Variants in CFAP69 observed in about 807,000 individuals in gnomAD.
CFAP69 encodes the protein cilia and flagella associated protein 69, also known as cilia- and flagella-associated protein 69.
In CFAP69, 92 loss-of-function variants were observed where a neutral mutation model predicts 123.0. The observed-to-expected ratio is 0.75, with a 90% CI of 0.63 to 0.89. The LOEUF (loss-of-function observed/expected upper bound fraction) is 0.89, where lower values mean the gene tolerates loss of function less well. Among genes scored for constraint, CFAP69 ranks in the 40% least tolerant of loss-of-function variants. CFAP69 has a pLI of 0.00. For synonymous variants in CFAP69, 380 were observed against 364.3 expected (o/e 1.04, Z -0.49); for missense variants, 1,067 against 1,096.9 (o/e 0.97, Z 0.39).
downstream of CFAP69, among the ~76,000 whole-genome samples, chr7:90,314,810 G>A (rs886811216): frequency 4.0e-5 from 6 of 151,622 alleles, no homozygotes; most frequent in East Asian, 1.9e-4. Context: ...ATGCTGGTGC[G>A]CTGCACCCAC....
chr7:90,275,988 T>G (rs1788551570), intron 9 of CFAP69: 1 of 152,222 alleles, frequency 6.6e-6, no homozygotes, highest in South Asian at 2.1e-4. Context: ...TGCTTACTCT[T>G]GGTCACAAGA....
chr7:90,283,277 A>G (rs1445858924), intron 13 of CFAP69, among the ~76,000 whole-genome samples: 1 of 152,142 alleles, frequency 6.6e-6, no homozygotes, highest in Non-Finnish European at 1.5e-5. Flanking sequence ...CTCAAATATC[A>G]TTTCATTTAG....
At chr7:90,265,521 G>A (rs1420587261) in intron 5 of CFAP69, 144 bp downstream of exon 5, 1 of 562,148 alleles carries the variant, frequency 1.8e-6, no homozygotes, top group Non-Finnish European at 3.2e-6. Context: ...TAATCACAGT[G>A]TGCTTGGTGA....
In CFAP69 at chr7:90,282,816, A is replaced by G. The variant is rs1352133914; in HGVS notation, c.1373-76A>G. ...ATTTTAACATTTGTTTAAACTTTTG[A>G]TAGATGTATAAGATATCTGATATAT... On this transcript the variant is annotated intron_variant, in intron 12 of 22. Coordinates refer to ENST00000389297, the MANE Select transcript of CFAP69 (RefSeq NM_001039706.3). The G allele has an allele frequency of 6.0e-6, 7 of 1,166,384 alleles. No individual in the cohort carries two copies. In the Admixed American group the frequency reaches 1.3e-4, roughly 22 times the overall value. 72.3% of individuals were successfully genotyped at this position (1,166,384 alleles called of 1,614,324 possible). A position where few individuals can be genotyped will look rare whatever the true frequency, so the allele number is the denominator to read the frequency against.
In CFAP69 at chr7:90,287,746, A is replaced by G. The variant is rs115813180; in HGVS notation, c.1657-488A>G. 602 of 986,166 alleles carry G rather than the reference A, an allele frequency of 6.1e-4. 1 individual carries two copies. The African/African-American group carries it at 9.8e-3, about 16-fold the overall frequency. The allele number at this position is 986,166 out of a possible 1,614,324, so 61.1% of individuals were successfully genotyped here. On this transcript the variant is annotated intron_variant, in intron 14 of 22. Coordinates refer to ENST00000389297, the MANE Select transcript of CFAP69 (RefSeq NM_001039706.3). ...CAGAACTGAACAGCAAGGCAATAAG[A>G]AAGGTAATTAGTAAGAGAAAAATAT...
chr7:90,297,152 G>T (rs17869452), intron 15 of CFAP69, among the ~76,000 whole-genome samples: 2,221 of 152,278 alleles, frequency 0.015, 72 homozygotes, highest in African/African-American at 0.051. Flanking sequence ...TGCTATACCA[G>T]AGTCAAGTTG....
chr7:90,322,287 G>T, the CFAP69 span: 1 of 152,218 alleles, frequency 6.6e-6, no homozygotes, highest in African/African-American at 2.4e-5. Context: ...ACTCGGATTA[G>T]GTAGGATATA....
chr7:90,254,318 G>A (rs956091038), intron 1 of CFAP69, among the ~76,000 whole-genome samples: 7 of 151,968 alleles, frequency 4.6e-5, no homozygotes, highest in African/African-American at 1.2e-4. Flanking sequence ...TTGGGTGCTC[G>A]CGGTCTACTA....
the CFAP69 span, chr7:90,319,847 T>C: frequency 1.8e-5 from 7 of 397,568 alleles, no homozygotes. Flanking sequence ...ATATTTGCTT[T>C]TGATCAAGCC....
chr7:90,303,954 C>T lies in CFAP69; in HGVS notation c.2051-15C>T. The T allele has an allele frequency of 1.3e-6, 2 of 1,537,260 alleles. No individual in the cohort carries two copies. Among genetic ancestry groups the T allele is most frequent in the Non-Finnish European group, 1.8e-6 (2 of 1,139,900 alleles). On this transcript the variant is annotated splice_polypyrimidine_tract_variant and intron_variant, in intron 17 of 22. Transcript: ENST00000389297. Reference sequence around the variant, plus strand: ...TATCTGTCCCTTTTCTATTTTCATGCTATCCAATGATTAGATACAAAAAAA... The same window carrying T: ...TATCTGTCCCTTTTCTATTTTCATGTTATCCAATGATTAGATACAAAAAAA...
At chr7:90,304,278 A>C in intron 18 of CFAP69, 172 bp downstream of exon 18, 4 of 1,343,894 alleles carry the variant, frequency 3.0e-6, no homozygotes, top group Non-Finnish European at 3.8e-6. Flanking sequence ...TTAAATCAGA[A>C]TCTCTGTGTG....
rs557909408 is a variant in CFAP69 at position 90,287,520 on chromosome 7, G to A, written c.1657-714G>A. On this transcript the variant is annotated intron_variant, in intron 14 of 22. Transcript: ENST00000389297. Reference sequence around the variant, plus strand: ...TTTTTAGCTCCATAGTGAACTCTGAGTCTCAGAGATTGATAATTTAAATGT... The same window carrying A: ...TTTTTAGCTCCATAGTGAACTCTGAATCTCAGAGATTGATAATTTAAATGT... 24 of 985,326 alleles carry A rather than the reference G, an allele frequency of 2.4e-5. No individual in the cohort carries two copies. In the South Asian group the frequency reaches 1.1e-3, roughly 46 times the overall value. 61.0% of individuals were successfully genotyped at this position (985,326 alleles called of 1,614,324 possible).
chr7:90,297,297 C>T (rs1169418988), intron 15 of CFAP69, among the ~76,000 whole-genome samples: 10 of 152,154 alleles, frequency 6.6e-5, no homozygotes, highest in African/African-American at 1.9e-4. Context: ...CCAACCCCTC[C>T]TTCCCATCAT....
chr7:90,256,540 T>A (rs983418733), intron 2 of CFAP69, among the ~76,000 whole-genome samples: 68 of 150,038 alleles, frequency 4.5e-4, no homozygotes, highest in African/African-American at 5.6e-4. Context: ...AAAAAAAAAA[T>A]TTTTAAGTAA....
chr7:90,300,423 T>C, intron 17 of CFAP69: 3 of 850,710 alleles, frequency 3.5e-6, no homozygotes, highest in Non-Finnish European at 4.2e-6. Flanking sequence ...TGGTATTTTA[T>C]ACATTTCTGT....
downstream of CFAP69, among the ~76,000 whole-genome samples, chr7:90,313,284 C>T (rs1487467213): frequency 6.6e-6 from 1 of 152,208 alleles, no homozygotes; most frequent in Non-Finnish European, 1.5e-5. Flanking sequence ...TAGTTCCTCT[C>T]ATTTTTACAC....
chr7:90,274,983 AG>A (rs1454276668), intron 9 of CFAP69, among the ~76,000 whole-genome samples: 3 of 152,104 alleles, frequency 2.0e-5, no homozygotes, highest in African/African-American at 7.2e-5. Context: ...ATTGTCCCAC[AG>A]GTTTGTGAGG....
chr7:90,271,464 C>A, intron 6 of CFAP69, 62 bp from the exon 7 acceptor site: 1 of 1,476,834 alleles, frequency 6.8e-7, no homozygotes, highest in South Asian at 1.3e-5. Flanking sequence ...ATTACTCATT[C>A]TTTTGTCTTA....
intron 5 of CFAP69, among the ~76,000 whole-genome samples, chr7:90,266,367 G>C (rs190438446): frequency 5.9e-5 from 9 of 152,072 alleles, no homozygotes; most frequent in Non-Finnish European, 1.0e-4. Context: ...TAGGAAGCAG[G>C]CAGGTTCAGA....
Sources: gnomAD v4.1 joint callset for allele counts (sites outside exome capture counted in the v4.1 genomes callset) on GRCh38, gnomAD v4.1.1 for gene constraint, MANE v1.5 for transcripts, NCBI Gene and HGNC (gene_info 2026-07-23, HGNC 2026-07-21) for gene names.